COLGALT2: variants seen among roughly 807,000 people sequenced by gnomAD.
COLGALT2 encodes procollagen galactosyltransferase 2.
COLGALT2 carries 49 observed loss-of-function variants against 73.4 expected under a neutral mutation model. That is an observed-to-expected ratio of 0.67 (90% CI 0.53 to 0.85). COLGALT2 has a LOEUF of 0.85. Ranked by LOEUF, COLGALT2 falls within the 40% of genes least tolerant of loss-of-function variation. COLGALT2 has a pLI of 0.00. For synonymous variants in COLGALT2, 295 were observed against 307.6 expected (o/e 0.96, Z 0.43); for missense variants, 722 against 790.2 (o/e 0.91, Z 1.03).
chr1:183,964,108 A>C, intron 5 of COLGALT2, 88 bp from the exon 6 acceptor site: 1 of 1,451,574 alleles, frequency 6.9e-7, no homozygotes, highest in Non-Finnish European at 9.4e-7. Flanking sequence ...ACTGTGTCTG[A>C]TGCTGAGTTT....
chr1:183,957,933 C>T (rs905017455), intron 6 of COLGALT2, among the ~76,000 whole-genome samples: 2 of 152,084 alleles, frequency 1.3e-5, no homozygotes, highest in Admixed American at 6.6e-5. Flanking sequence ...ACATGATGTA[C>T]TGTTGTCTCA....
intron 1 of COLGALT2, among the ~76,000 whole-genome samples, chr1:184,030,021 T>C (rs1649457608): frequency 6.6e-6 from 1 of 152,240 alleles, no homozygotes; most frequent in Non-Finnish European, 1.5e-5. Flanking sequence ...GTGTTAATAT[T>C]GGTCACTGGC....
In COLGALT2 at chr1:183,938,356, G is replaced by A; in HGVS notation, c.*405C>T. ...AAACGGACAAACTAGACCAATAAGT[G>A]TGGTCTAGTTGGCCTGGCTGCCTTG... On this transcript the variant is annotated 3_prime_UTR_variant, in exon 12 of 12. Coordinates refer to ENST00000361927, the MANE Select transcript of COLGALT2 (RefSeq NM_015101.4). The A allele has an allele frequency of 2.0e-6, 2 of 1,023,774 alleles. No homozygotes were observed. Among genetic ancestry groups the A allele is most frequent in the Non-Finnish European group, 2.3e-6 (2 of 852,192 alleles). 63.4% of individuals were successfully genotyped at this position (1,023,774 alleles called of 1,614,324 possible).
chr1:184,031,872 T>TTCC (rs1649523816), intron 1 of COLGALT2, among the ~76,000 whole-genome samples: 1 of 114,908 alleles, frequency 8.7e-6, no homozygotes, highest in African/African-American at 3.4e-5. Context: ...TCCTTAGTTC[T>TTCC]TTATTTTTCC....
At chr1:183,994,348 T>C (rs77548555) in intron 1 of COLGALT2, among the ~76,000 whole-genome samples, 1 of 151,690 alleles carries the variant, frequency 6.6e-6, no homozygotes, top group East Asian at 2.0e-4. Context: ...TCTCCTTTAA[T>C]TCTTACAACA....
intron 1 of COLGALT2, among the ~76,000 whole-genome samples, chr1:184,007,775 C>A (rs1887283): frequency 0.081 from 12,280 of 152,196 alleles, 911 homozygotes; most frequent in East Asian, 0.43. Context: ...ATCCCAGGTT[C>A]CTCAAACATT....
intron 1 of COLGALT2, among the ~76,000 whole-genome samples, chr1:184,028,504 G>A (rs1230188642): frequency 2.0e-5 from 3 of 152,192 alleles, no homozygotes; most frequent in Non-Finnish European, 4.4e-5. Flanking sequence ...GGCAGCAATT[G>A]TATGCACTTT....
intron 1 of COLGALT2, among the ~76,000 whole-genome samples, chr1:184,028,799 A>G (rs1314010714): frequency 6.6e-6 from 1 of 152,170 alleles, no homozygotes; most frequent in Admixed American, 6.5e-5. Flanking sequence ...ATCTTCTAAG[A>G]TGTCTTCAAA....
intron 2 of COLGALT2, 82 bp downstream of exon 2, chr1:183,978,328 C>T (rs746974874): frequency 2.7e-6 from 2 of 727,584 alleles, no homozygotes; most frequent in Non-Finnish European, 4.8e-6. Flanking sequence ...GTCACATGTA[C>T]CTCCAAACCT....
chr1:183,934,579 ATTTT>A (rs1669909431), downstream of COLGALT2, among the ~76,000 whole-genome samples: 2 of 152,202 alleles, frequency 1.3e-5, no homozygotes, highest in Non-Finnish European at 2.9e-5. Flanking sequence ...AGCCAGCCTC[ATTTT>A]AACTTTACTT....
intron 1 of COLGALT2, among the ~76,000 whole-genome samples, chr1:184,000,664 T>C (rs1352276595): frequency 6.6e-6 from 1 of 152,006 alleles, no homozygotes; most frequent in Non-Finnish European, 1.5e-5. Context: ...GTCTTTATTA[T>C]TTACCTTTTC....
At chr1:183,955,394 G>A (rs1294460895) in intron 6 of COLGALT2, among the ~76,000 whole-genome samples, 2 of 152,070 alleles carry the variant, frequency 1.3e-5, no homozygotes, top group Non-Finnish European at 2.9e-5. Flanking sequence ...TTTTTTCTCT[G>A]CATTTAAAAT....
rs572382508 is a variant in COLGALT2, at chr1:183,936,937, C to T, written c.*1824G>A. On this transcript the variant is annotated 3_prime_UTR_variant, in exon 12 of 12. Coordinates refer to ENST00000361927, the MANE Select transcript of COLGALT2 (RefSeq NM_015101.4). ...TGCCTCTTGTCCTAAAGTGGGGACC[C>T]GCCCCTCACCTGGGGAGATGAGGCT... 3.2e-6 allele frequency: 4 copies of T among 1,231,742 alleles called. No individual in the cohort carries two copies. The highest frequency in any genetic ancestry group is 3.0e-6 in the Non-Finnish European group (3 of 987,996). 76.3% of individuals were successfully genotyped at this position (1,231,742 alleles called of 1,614,324 possible). A position where few individuals can be genotyped will look rare whatever the true frequency, so the allele number is the denominator to read the frequency against.
At chr1:183,994,746 G>A (rs182567760) in intron 1 of COLGALT2, among the ~76,000 whole-genome samples, 545 of 152,302 alleles carry the variant, frequency 3.6e-3, no homozygotes, top group Non-Finnish European at 5.8e-3. Context: ...GAGCCACTGC[G>A]CCTGGCCTTA....
intron 9 of COLGALT2, among the ~76,000 whole-genome samples, chr1:183,945,147 A>G (rs556140461): frequency 5.9e-5 from 9 of 152,226 alleles, no homozygotes; most frequent in Non-Finnish European, 1.3e-4. Flanking sequence ...CATAATAGGT[A>G]TAATAGAAGG....
chr1:184,027,756 A>G (rs1649373402), intron 1 of COLGALT2, among the ~76,000 whole-genome samples: 1 of 152,260 alleles, frequency 6.6e-6, no homozygotes, highest in Non-Finnish European at 1.5e-5. Flanking sequence ...TGCTAAATAA[A>G]AAGCTTACAA....
exon 12 of COLGALT2, chr1:183,929,932 T>C (rs1669803684): frequency 3.9e-6 from 1 of 258,832 alleles, no homozygotes; most frequent in African/African-American, 2.3e-5. Flanking sequence ...CTTAGTAGCT[T>C]TTCTCTAACA....
chr1:183,986,959 T>C (rs1671506229), intron 1 of COLGALT2, among the ~76,000 whole-genome samples: 1 of 152,100 alleles, frequency 6.6e-6, no homozygotes, highest in African/African-American at 2.4e-5. Flanking sequence ...AGGAAACACC[T>C]GTCAAATTGG....
chr1:183,975,055 C>T (rs2102817172), intron 3 of COLGALT2, 42 bp downstream of exon 3: 1 of 1,407,450 alleles, frequency 7.1e-7, no homozygotes, highest in Non-Finnish European at 1.0e-6. Flanking sequence ...TTTGGATACA[C>T]CTGAGATGAC....
Sources: allele counts gnomAD v4.1 joint callset (sites outside exome capture counted in the v4.1 genomes callset), GRCh38; gene constraint gnomAD v4.1.1; transcripts MANE v1.5; gene names NCBI Gene and HGNC (gene_info 2026-07-23, HGNC 2026-07-21).